Variants in PLEKHO2 observed in about 807,000 individuals in gnomAD.
The protein encoded by PLEKHO2 is pleckstrin homology domain containing O2, also known as pleckstrin homology domain-containing family O member 2.
Under a neutral mutation model 32.7 loss-of-function variants are expected in PLEKHO2, and 20 were observed. The ratio of observed to expected loss-of-function variants is 0.61; its 90% CI spans 0.43 to 0.89. The LOEUF is 0.89. Ranked by LOEUF, PLEKHO2 falls within the 40% of genes least tolerant of loss-of-function variation. The pLI is 0.00. For missense variants in PLEKHO2, 568 were observed against 621.2 expected (o/e 0.91, Z 0.91); for synonymous variants, 247 against 246.3 (o/e 1.00, Z -0.03).
intron 1 of PLEKHO2, among the ~76,000 whole-genome samples, chr15:64,845,214 C>CTTTT (rs771584682): frequency 1.6e-5 from 2 of 121,278 alleles, no homozygotes; most frequent in Non-Finnish European, 1.7e-5. Context: ...GACCTGGCTT[C>CTTTT]TTTTTTTTTT....
chr15:64,856,789 C>T (rs1245223099), intron 3 of PLEKHO2, among the ~76,000 whole-genome samples: 1 of 152,164 alleles, frequency 6.6e-6, no homozygotes, highest in Non-Finnish European at 1.5e-5. Flanking sequence ...GATTGGGGCT[C>T]TCCAGAGGTC....
intron 2 of PLEKHO2, among the ~76,000 whole-genome samples, chr15:64,853,735 G>C (rs2084587724): frequency 6.6e-6 from 1 of 152,200 alleles, no homozygotes; most frequent in Non-Finnish European, 1.5e-5. Flanking sequence ...CCTGGCCTGG[G>C]AGTCAGAGGC....
chr15:64,847,432 AC>A (rs1033995156), intron 1 of PLEKHO2, among the ~76,000 whole-genome samples: 2 of 150,958 alleles, frequency 1.3e-5, no homozygotes, highest in African/African-American at 4.9e-5. Context: ...CCTCTCCTTC[AC>A]CCCCCACTTC....
intron 4 of PLEKHO2, among the ~76,000 whole-genome samples, chr15:64,860,364 C>T (rs1010693283): frequency 6.6e-6 from 1 of 152,240 alleles, no homozygotes; most frequent in Non-Finnish European, 1.5e-5. Flanking sequence ...GCTCCCTTTT[C>T]AGTTTGACCA....
At chr15:64,854,049 C>G (rs1376215327) in intron 2 of PLEKHO2, among the ~76,000 whole-genome samples, 1 of 152,234 alleles carries the variant, frequency 6.6e-6, no homozygotes, top group African/African-American at 2.4e-5. Context: ...GAGTGCCACA[C>G]CCAGGAAGTT....
rs1595825737 is a variant in PLEKHO2, at chr15:64,842,062, G to A, written c.12+34G>A. The A allele has an allele frequency of 6.5e-6, 8 of 1,234,762 alleles. No individual in the cohort carries two copies. The East Asian group carries it at 1.6e-4, about 24-fold the overall frequency. 76.5% of individuals were successfully genotyped at this position (1,234,762 alleles called of 1,614,324 possible). On this transcript the variant is annotated intron_variant, in intron 1 of 5. Transcript: ENST00000323544. ...GGGGCCCGGCGGGGCGTTGGGCTGG[G>A]GTCCTCGAGCCCCTCACGGGGATTG...
At chr15:64,861,610 T>C (rs1280995523) in intron 5 of PLEKHO2, 35 bp downstream of exon 5, 1 of 1,522,280 alleles carries the variant, frequency 6.6e-7, no homozygotes, top group East Asian at 2.4e-5. Context: ...TTGGGGTTAG[T>C]TGAGCCTAGG....
chr15:64,866,565 C>G lies in PLEKHO2; in HGVS notation c.*677C>G. ...TGCAAAACAAGGACATTTTCTGCAG[C>G]CCCTTCCTCTCAGTGAGCTATGATT... On this transcript the variant is annotated 3_prime_UTR_variant, in exon 6 of 6. Transcript: ENST00000323544. The G allele has an allele frequency of 2.8e-6, 1 of 357,144 alleles. No homozygotes were observed. The highest frequency in any genetic ancestry group is 2.1e-5 in the South Asian group (1 of 47,664). 22.1% of individuals were successfully genotyped at this position (357,144 alleles called of 1,614,324 possible). A position where few individuals can be genotyped will look rare whatever the true frequency, so the allele number is the denominator to read the frequency against.
At position 64,866,230 on chromosome 15, in the gene PLEKHO2, A is replaced by G; in HGVS notation, c.*342A>G. The G allele has an allele frequency of 2.2e-6, 1 of 462,626 alleles. No individual in the cohort carries two copies. The highest frequency in any genetic ancestry group is 2.8e-5 in the Admixed American group (1 of 36,186). 28.7% of individuals were successfully genotyped at this position (462,626 alleles called of 1,614,324 possible). On this transcript the variant is annotated 3_prime_UTR_variant, in exon 6 of 6. Coordinates refer to ENST00000323544, the MANE Select transcript of PLEKHO2 (RefSeq NM_025201.5). ...GGCACTTGGGGTTTCTGGGAATGACATCATCTCTGTTCCCCATCCCCAGTA... is the reference window on the plus strand; with the variant it reads ...GGCACTTGGGGTTTCTGGGAATGACGTCATCTCTGTTCCCCATCCCCAGTA...
At chr15:64,849,182 C>T (rs2084546855) in intron 2 of PLEKHO2, among the ~76,000 whole-genome samples, 1 of 151,592 alleles carries the variant, frequency 6.6e-6, no homozygotes, top group Non-Finnish European at 1.5e-5. Context: ...CGCTCTGTAG[C>T]CCAGGCTGGA....
rs1410845790 is a variant in PLEKHO2 at position 64,841,969 on chromosome 15, C to A, written c.-48C>A. ...CGTAGACGCGGTGGCAGAGCCCGCG[C>A]GGCGCTGGAAGCGAGTGGCGGAGCG... On this transcript the variant is annotated 5_prime_UTR_variant, in exon 1 of 6. Coordinates refer to ENST00000323544, the MANE Select transcript of PLEKHO2 (RefSeq NM_025201.5). 3.1e-5 allele frequency: 39 copies of A among 1,245,562 alleles called. No homozygotes were observed. Among genetic ancestry groups the A allele is most frequent in the Non-Finnish European group, 3.8e-5 (38 of 995,024 alleles). 77.2% of individuals were successfully genotyped at this position (1,245,562 alleles called of 1,614,324 possible).
rs1014136753 is a variant in PLEKHO2 at position 64,866,176 on chromosome 15, G to A, written c.*288G>A. On this transcript the variant is annotated 3_prime_UTR_variant, in exon 6 of 6. Coordinates refer to ENST00000323544, the MANE Select transcript of PLEKHO2 (RefSeq NM_025201.5). The stretch of plus-strand genomic sequence containing the variant: ...CTGGGACCTATGTGTTTGTGTGGTC[G>A]TTCCAAACTGCCCCAGGGCTTTGGG... 28 of 523,050 alleles carry A rather than the reference G, an allele frequency of 5.4e-5. No homozygotes were observed. Among genetic ancestry groups the A allele is most frequent in the Admixed American group, 3.9e-4 (13 of 33,660 alleles). The allele number at this position is 523,050 out of a possible 1,614,324, so 32.4% of individuals were successfully genotyped here.
At position 64,865,581 on chromosome 15, in the gene PLEKHO2, C is replaced by T; in HGVS notation, c.1166C>T (p.Ser389Phe). Residue 389 changes from serine to phenylalanine, a missense_variant, in exon 6 of 6, where the codon TCC becomes TTC. By Grantham distance (155) the Ser-to-Phe change is radical. Transcript: ENST00000323544. ...DLPPQFHPRC[S>F]SLGDLLGEGP... Reference sequence around the variant, plus strand: ...CCACCTCAGTTCCATCCCCGCTGCTCCTCCCTTGGGGACTTGCTTGGGGAA... The same window carrying T: ...CCACCTCAGTTCCATCCCCGCTGCTTCTCCCTTGGGGACTTGCTTGGGGAA... 6.2e-7 allele frequency: 1 copy of T among 1,614,216 alleles called. No homozygotes were observed. The highest frequency in any genetic ancestry group is 8.5e-7 in the Non-Finnish European group (1 of 1,180,032).
At chr15:64,842,974 C>T (rs2084496456) in intron 1 of PLEKHO2, among the ~76,000 whole-genome samples, 1 of 152,226 alleles carries the variant, frequency 6.6e-6, no homozygotes, top group Admixed American at 6.5e-5. Flanking sequence ...GTCCCAGCTT[C>T]AGCCCCTCTC....
chr15:64,865,839 G>T lies in PLEKHO2; in HGVS notation c.1424G>T (p.Arg475Met). The change falls in exon 6 of 6, where the codon AGG (arginine) becomes ATG (methionine). Residue 475 changes from arginine to methionine, a missense_variant. By Grantham distance (91) the Arg-to-Met change is moderately conservative (BLOSUM62 -1). Coordinates refer to ENST00000323544, the MANE Select transcript of PLEKHO2 (RefSeq NM_025201.5). ...CTGAGCCAGGAAGCACCTGGGCTAA[G>T]GGAGAAGCGGAAGGAGCTGGTGACC... ...GELSQEAPGLREKRKELVTLY... is the reference protein window; with the variant it reads ...GELSQEAPGLMEKRKELVTLY... 1 of 1,612,122 alleles carries T rather than the reference G, an allele frequency of 6.2e-7. No individual in the cohort carries two copies.
At chr15:64,843,747 A>C (rs917569451) in intron 1 of PLEKHO2, among the ~76,000 whole-genome samples, 3 of 151,666 alleles carry the variant, frequency 2.0e-5, no homozygotes, top group Admixed American at 2.0e-4. Context: ...CGCCTGGCTA[A>C]TTTTGTATTT....
At chr15:64,855,310 G>A (rs2084599759) in intron 3 of PLEKHO2, among the ~76,000 whole-genome samples, 2 of 152,164 alleles carry the variant, frequency 1.3e-5, no homozygotes, top group South Asian at 4.1e-4. Context: ...TCCATCCCAG[G>A]CTGTAGTTGG....
At chr15:64,851,129 T>G (rs901239590) in intron 2 of PLEKHO2, among the ~76,000 whole-genome samples, 2 of 152,150 alleles carry the variant, frequency 1.3e-5, no homozygotes, top group African/African-American at 4.8e-5. Context: ...TGTTTGGGTG[T>G]CAGAGAAGCA....
intron 4 of PLEKHO2, 85 bp downstream of exon 4, chr15:64,860,083 C>T: frequency 8.9e-7 from 1 of 1,117,620 alleles, no homozygotes; most frequent in South Asian, 1.3e-5. Context: ...CCCCTCCTTA[C>T]CCCAGACTAC....
Sources: gnomAD v4.1 joint callset for allele counts (sites outside exome capture counted in the v4.1 genomes callset) on GRCh38, gnomAD v4.1.1 for gene constraint, MANE v1.5 for transcripts, NCBI Gene and HGNC (gene_info 2026-07-23, HGNC 2026-07-21) for gene names.